LPGAT1: variants seen among roughly 807,000 people sequenced by gnomAD.
The protein encoded by LPGAT1 is lysophosphatidylglycerol acyltransferase 1.
A neutral mutation model predicts 47.5 loss-of-function variants in LPGAT1; 11 were observed. That is an observed-to-expected ratio of 0.23 (90% CI 0.15 to 0.38). The LOEUF is 0.38. Ranked by LOEUF, LPGAT1 falls within the 10% of genes least tolerant of loss-of-function variation. The pLI is 1.00. For synonymous variants in LPGAT1, 138 were observed against 144.2 expected (o/e 0.96, Z 0.31); for missense variants, 293 against 439.0 (o/e 0.67, Z 2.97).
chr1:211,784,449 C>G (rs1658766470), intron 4 of LPGAT1, among the ~76,000 whole-genome samples: 2 of 145,848 alleles, frequency 1.4e-5, no homozygotes, highest in Non-Finnish European at 3.0e-5. Flanking sequence ...CCTGATGGTA[C>G]TACTGTACTC....
chr1:211,777,942 C>T (rs1658472557), intron 6 of LPGAT1, among the ~76,000 whole-genome samples: 1 of 152,172 alleles, frequency 6.6e-6, no homozygotes, highest in South Asian at 2.1e-4. Flanking sequence ...AGCAAGATGG[C>T]CACAAGAGTG....
intron 6 of LPGAT1, among the ~76,000 whole-genome samples, chr1:211,777,688 A>T (rs1232976578): frequency 6.6e-6 from 1 of 152,256 alleles, no homozygotes; most frequent in African/African-American, 2.4e-5. Context: ...ATCATTCAGA[A>T]AATCTTATGT....
At chr1:211,823,461 T>C (rs893644738) in intron 2 of LPGAT1, among the ~76,000 whole-genome samples, 8 of 152,270 alleles carry the variant, frequency 5.3e-5, no homozygotes, top group African/African-American at 1.4e-4. Context: ...CTACCACTGA[T>C]GCTAGATCAG....
intron 6 of LPGAT1, among the ~76,000 whole-genome samples, chr1:211,778,356 A>AC (rs1247318161): frequency 0.014 from 2,098 of 147,004 alleles, 153 homozygotes; most frequent in African/African-American, 0.049. Flanking sequence ...AAAAAAAAAA[A>AC]AAAAAAAAAA....
chr1:211,811,409 A>G (rs1659982073), intron 2 of LPGAT1, among the ~76,000 whole-genome samples: 1 of 152,210 alleles, frequency 6.6e-6, no homozygotes, highest in South Asian at 2.1e-4. Context: ...GAAGGAATGA[A>G]GAGCTGTCGG....
intron 2 of LPGAT1, among the ~76,000 whole-genome samples, chr1:211,823,352 A>G (rs1660426086): frequency 6.6e-6 from 1 of 152,220 alleles, no homozygotes; most frequent in African/African-American, 2.4e-5. Flanking sequence ...AAATATACAT[A>G]TTCCATCTCT....
chr1:211,789,208 C>T (rs1659009434), intron 3 of LPGAT1, among the ~76,000 whole-genome samples: 1 of 152,122 alleles, frequency 6.6e-6, no homozygotes, highest in South Asian at 2.1e-4. Flanking sequence ...ATTTGTTGAA[C>T]AGTGTCCCCA....
chr1:211,773,683 CT>C (rs993994419), intron 6 of LPGAT1, among the ~76,000 whole-genome samples: 24 of 152,288 alleles, frequency 1.6e-4, no homozygotes, highest in African/African-American at 5.5e-4. Flanking sequence ...TATAAATACT[CT>C]CCCTGTAATT....
At chr1:211,815,426 C>T (rs1272117199) in intron 2 of LPGAT1, among the ~76,000 whole-genome samples, 1 of 152,120 alleles carries the variant, frequency 6.6e-6, no homozygotes, top group African/African-American at 2.4e-5. Context: ...AATCAGTTCA[C>T]TTTCCATCTC....
At chr1:211,753,771 AG>A (rs1415713509) in intron 6 of LPGAT1, among the ~76,000 whole-genome samples, 17 of 152,216 alleles carry the variant, frequency 1.1e-4, no homozygotes, top group Non-Finnish European at 2.5e-4. Flanking sequence ...TCAAGAGTTC[AG>A]GTCCATTAGA....
chr1:211,783,748 G>A (rs1429213478), intron 4 of LPGAT1, among the ~76,000 whole-genome samples: 1 of 152,140 alleles, frequency 6.6e-6, no homozygotes, highest in African/African-American at 2.4e-5. Flanking sequence ...CCTTGAAAGT[G>A]CAGTCATTCA....
At chr1:211,786,808 A>G (rs771769996) in intron 4 of LPGAT1, among the ~76,000 whole-genome samples, 10 of 152,214 alleles carry the variant, frequency 6.6e-5, no homozygotes, top group African/African-American at 1.4e-4. Context: ...AGTAATTTAG[A>G]TATCTACTAT....
intron 3 of LPGAT1, among the ~76,000 whole-genome samples, chr1:211,790,729 G>A (rs975063214): frequency 3.9e-5 from 6 of 152,066 alleles, no homozygotes; most frequent in Non-Finnish European, 5.9e-5. Context: ...AGGCAAACAA[G>A]CCAACCAAAC....
chr1:211,775,475 C>T (rs1351318600), intron 6 of LPGAT1, among the ~76,000 whole-genome samples: 1 of 152,096 alleles, frequency 6.6e-6, no homozygotes, highest in Non-Finnish European at 1.5e-5. Flanking sequence ...CAGCAGACAC[C>T]AAGATGTACT....
chr1:211,773,864 C>A (rs775118625), intron 6 of LPGAT1, among the ~76,000 whole-genome samples: 1 of 152,120 alleles, frequency 6.6e-6, no homozygotes, highest in Non-Finnish European at 1.5e-5. Flanking sequence ...AGTCTTAGTT[C>A]TTTTAAAATA....
At chr1:211,823,203 T>G (rs1253064905) in intron 2 of LPGAT1, among the ~76,000 whole-genome samples, 2 of 152,152 alleles carry the variant, frequency 1.3e-5, no homozygotes, top group African/African-American at 4.8e-5. Context: ...GAAACCTCTT[T>G]CAATTTCAAC....
intron 6 of LPGAT1, among the ~76,000 whole-genome samples, chr1:211,759,968 T>C (rs891447899): frequency 3.3e-5 from 5 of 152,256 alleles, no homozygotes; most frequent in African/African-American, 1.2e-4. Flanking sequence ...ATTATCTTTA[T>C]AAAGATTGTA....
At chr1:211,814,717 T>A (rs917959428) in intron 2 of LPGAT1, among the ~76,000 whole-genome samples, 3 of 152,174 alleles carry the variant, frequency 2.0e-5, no homozygotes, top group Admixed American at 6.5e-5. Context: ...TGACCCTATA[T>A]CACTCCCTCC....
At chr1:211,801,664 C>T (rs765516554) in intron 2 of LPGAT1, among the ~76,000 whole-genome samples, 28 of 150,048 alleles carry the variant, frequency 1.9e-4, no homozygotes, top group Middle Eastern at 3.4e-3. Context: ...GCTATAATCA[C>T]GCCACTGCAC....
Sources: allele counts gnomAD v4.1 joint callset (sites outside exome capture counted in the v4.1 genomes callset), GRCh38; gene constraint gnomAD v4.1.1; transcripts MANE v1.5; gene names NCBI Gene and HGNC (gene_info 2026-07-23, HGNC 2026-07-21).